The following FRYL variants were observed in gnomAD, a reference collection of about 807,000 sequenced individuals.
The protein encoded by FRYL is FRY like transcription coactivator.
FRYL carries 150 observed loss-of-function variants against 351.2 expected under a neutral mutation model. The observed-to-expected ratio is 0.43, with a 90% CI of 0.37 to 0.49. The LOEUF is 0.49. Ranked by LOEUF, FRYL falls within the 20% of genes least tolerant of loss-of-function variation. The pLI, the probability that FRYL is intolerant of heterozygous loss-of-function variation, is 0.00. For synonymous variants in FRYL, 1,153 were observed against 1,257.1 expected (o/e 0.92, Z 1.75); for missense variants, 3,036 against 3,619.3 (o/e 0.84, Z 4.13).
At chr4:48,588,701 A>G (rs1170863720) in intron 18 of FRYL, among the ~76,000 whole-genome samples, 1 of 152,038 alleles carries the variant, frequency 6.6e-6, no homozygotes, top group Non-Finnish European at 1.5e-5. Flanking sequence ...CTCTCTACAC[A>G]TGCTTCCTGA....
chr4:48,710,802 G>C, intron 1 of FRYL, 104 bp from the exon 2 acceptor site: 1 of 388,602 alleles, frequency 2.6e-6, no homozygotes, highest in Non-Finnish European at 4.5e-6. Flanking sequence ...AAGTCTGCAA[G>C]TTCCTCAAAG....
chr4:48,653,913 GT>G, intron 3 of FRYL: 1 of 1,242,826 alleles, frequency 8.0e-7, no homozygotes, highest in African/African-American at 1.6e-5. Context: ...AGGCAGCAGA[GT>G]TTTGGCCCAC....
intron 26 of FRYL, 136 bp from the exon 27 acceptor site, chr4:48,571,054 G>A: frequency 1.7e-6 from 1 of 583,008 alleles, no homozygotes; most frequent in Non-Finnish European, 3.0e-6. Context: ...GGGTACTCTG[G>A]TAGCTACTGC....
At chr4:48,761,440 T>A (rs1774410993) in intron 1 of FRYL, among the ~76,000 whole-genome samples, 2 of 152,176 alleles carry the variant, frequency 1.3e-5, no homozygotes, top group South Asian at 4.1e-4. Context: ...GCACTACTCA[T>A]GTGTCTGAGG....
intron 42 of FRYL, among the ~76,000 whole-genome samples, chr4:48,545,319 C>G (rs1731098712): frequency 6.6e-6 from 1 of 152,114 alleles, no homozygotes; most frequent in Non-Finnish European, 1.5e-5. Context: ...CCTCTTGATT[C>G]TTTCTTCAAA....
At chr4:48,746,988 TA>T (rs776896785) in intron 1 of FRYL, among the ~76,000 whole-genome samples, 2 of 152,206 alleles carry the variant, frequency 1.3e-5, no homozygotes, top group Non-Finnish European at 2.9e-5. Context: ...TTGTGTCTTT[TA>T]AAAACGACTG....
At chr4:48,502,938 G>A in intron 60 of FRYL, 93 bp from the exon 61 acceptor site, 1 of 943,140 alleles carries the variant, frequency 1.1e-6, no homozygotes, top group Non-Finnish European at 1.7e-6. Context: ...GGTCACAGAT[G>A]TTCCAGGTAA....
At chr4:48,660,883 A>C (rs1338683314) in intron 3 of FRYL, among the ~76,000 whole-genome samples, 1 of 152,300 alleles carries the variant, frequency 6.6e-6, no homozygotes, top group South Asian at 2.1e-4. Context: ...CAATAATCCA[A>C]CATTATCAAG....
intron 3 of FRYL, among the ~76,000 whole-genome samples, chr4:48,639,481 CAT>C (rs1355057127): frequency 1.4e-3 from 17 of 12,282 alleles, no homozygotes; most frequent in East Asian, 9.6e-3. Context: ...TAGAAATCCA[CAT>C]GTTAAAAAAA....
chr4:48,669,850 A>G (rs1438922437), intron 3 of FRYL, among the ~76,000 whole-genome samples: 1 of 152,044 alleles, frequency 6.6e-6, no homozygotes, highest in African/African-American at 2.4e-5. Context: ...CCAATTTTTA[A>G]TAATATACAT....
intron 7 of FRYL, among the ~76,000 whole-genome samples, chr4:48,614,547 C>T (rs1172455580): frequency 6.6e-6 from 1 of 151,686 alleles, no homozygotes; most frequent in East Asian, 2.0e-4. Context: ...CATGGTGAAA[C>T]CCCATCTCTT....
chr4:48,717,506 T>C (rs1769002200), intron 1 of FRYL, among the ~76,000 whole-genome samples: 1 of 151,418 alleles, frequency 6.6e-6, no homozygotes, highest in South Asian at 2.1e-4. Flanking sequence ...ATAGTAATGG[T>C]TTTGCAATTC....
chr4:48,692,039 A>G (rs532773998), intron 2 of FRYL, among the ~76,000 whole-genome samples: 2 of 152,350 alleles, frequency 1.3e-5, no homozygotes, highest in South Asian at 2.1e-4. Flanking sequence ...CTAGAAACTT[A>G]TAATTTCATA....
At chr4:48,591,834 C>T (rs1447460311) in intron 16 of FRYL, among the ~76,000 whole-genome samples, 1 of 152,084 alleles carries the variant, frequency 6.6e-6, no homozygotes, top group Admixed American at 6.6e-5. Flanking sequence ...TCTGACATCT[C>T]TTACTTGGAT....
Position 48,667,425 on chromosome 4 carries a change from C to T in FRYL, c.-81+17248G>A, listed in dbSNP as rs185292204. ...ACAGTCACACAGAATCACAGAACCC[C>T]ACCCCCTCGCTTTTTTTTTTTTGAA... On this transcript the variant is annotated intron_variant, in intron 3 of 63. Transcript: ENST00000358350. 5.3e-3 allele frequency among the ~76,000 whole-genome samples: 811 copies of T among 151,670 alleles called. 2 individuals carry two copies. The highest frequency in any genetic ancestry group is 8.7e-3 in the Non-Finnish European group (591 of 67,868).
intron 3 of FRYL, chr4:48,637,967 AC>A (rs1265100123): frequency 6.6e-6 from 1 of 151,910 alleles, no homozygotes. Flanking sequence ...CTTTTTTCTG[AC>A]TCTATTATGT....
intron 18 of FRYL, 83 bp from the exon 19 acceptor site, chr4:48,586,811 A>G (rs1159917002): frequency 8.1e-6 from 7 of 862,466 alleles, no homozygotes; most frequent in Non-Finnish European, 1.3e-5. Flanking sequence ...AACTACAGAA[A>G]GTGCGAGTCC....
chr4:48,729,891 T>C (rs1464884332), intron 1 of FRYL, among the ~76,000 whole-genome samples: 8 of 151,922 alleles, frequency 5.3e-5, no homozygotes, highest in Admixed American at 5.2e-4. Context: ...AGAGAATGAG[T>C]TTGACAAATT....
At chr4:48,570,551 A>G (rs1309148553) in intron 27 of FRYL, among the ~76,000 whole-genome samples, 1 of 152,240 alleles carries the variant, frequency 6.6e-6, no homozygotes, top group Non-Finnish European at 1.5e-5. Context: ...CCACTTGCCA[A>G]GATAACTAGG....
Sources: gnomAD v4.1 joint callset for allele counts (sites outside exome capture counted in the v4.1 genomes callset) on GRCh38, gnomAD v4.1.1 for gene constraint, MANE v1.5 for transcripts, NCBI Gene and HGNC (gene_info 2026-07-23, HGNC 2026-07-21) for gene names.